The following JPH1 variants were observed in gnomAD, a reference collection of about 807,000 sequenced individuals.
JPH1 encodes the protein junctophilin 1, also known as junctophilin-1.
In JPH1, 12 loss-of-function variants were observed where a neutral mutation model predicts 53.6. The observed-to-expected ratio is 0.22, with a 90% CI of 0.14 to 0.36. The LOEUF is 0.36. JPH1 is among the 10% of genes least tolerant of loss of function. The pLI, the probability that JPH1 is intolerant of heterozygous loss-of-function variation, is 1.00. For missense variants in JPH1, 808 were observed against 905.5 expected, an observed-to-expected ratio of 0.89 and a Z score of 1.38; for synonymous variants, 375 against 363.8, an observed-to-expected ratio of 1.03 and a Z score of -0.35.
At position 74,319,949 on chromosome 8, in the gene JPH1, CTGTCCTGGTATA is replaced by C. The variant is rs1293729598; in HGVS notation, c.379+948_379+959del. ...ACTTTTCCTAATAAAAGAGGAACTT[CTGTCCTGGTATA>C]TACACAATCTCTTTGGCAAATATTG... On this transcript the variant is annotated intron_variant, in intron 1 of 5. Transcript: ENST00000342232. Among the ~76,000 whole-genome samples, 10 of 152,324 alleles carry C rather than the reference CTGTCCTGGTATA, an allele frequency of 6.6e-5. No individual in the cohort carries two copies. The South Asian group carries it at 1.9e-3, about 28-fold the overall frequency.
intron 2 of JPH1, among the ~76,000 whole-genome samples, chr8:74,279,010 T>C (rs1421248055): frequency 6.6e-6 from 1 of 151,472 alleles, no homozygotes; most frequent in Non-Finnish European, 1.5e-5. Context: ...CACACACGCA[T>C]ACACACACAC....
At chr8:74,295,623 T>A (rs750791846) in intron 2 of JPH1, among the ~76,000 whole-genome samples, 4 of 152,138 alleles carry the variant, frequency 2.6e-5, no homozygotes, top group Admixed American at 2.6e-4. Flanking sequence ...ACAGATCTCA[T>A]AGACAACACT....
intron 2 of JPH1, among the ~76,000 whole-genome samples, chr8:74,269,352 T>C (rs1157453286): frequency 6.6e-6 from 1 of 150,424 alleles, no homozygotes; most frequent in Non-Finnish European, 1.5e-5. Flanking sequence ...GTTAAAACAT[T>C]AGGGGTATAG....
intron 2 of JPH1, among the ~76,000 whole-genome samples, chr8:74,269,524 T>C (rs55672975): frequency 6.6e-6 from 1 of 152,374 alleles, no homozygotes; most frequent in Non-Finnish European, 1.5e-5. Flanking sequence ...CTTCAGTTTC[T>C]TGCTGCAACA....
At chr8:74,247,644 G>A (rs1015742089) in intron 3 of JPH1, among the ~76,000 whole-genome samples, 2 of 152,016 alleles carry the variant, frequency 1.3e-5, no homozygotes, top group East Asian at 3.9e-4. Context: ...GAGTCACTGC[G>A]CCCTGAGAAA....
chr8:74,273,229 TATG>T (rs1806756013), intron 2 of JPH1, among the ~76,000 whole-genome samples: 1 of 152,226 alleles, frequency 6.6e-6, no homozygotes, highest in African/African-American at 2.4e-5. Flanking sequence ...ATGGGTTTAA[TATG>T]ATGGTGAATT....
chr8:74,237,013 C>T lies in JPH1; in HGVS notation c.*38G>A, dbSNP rs1452292704. 13 of 518,690 alleles carry T rather than the reference C, an allele frequency of 2.5e-5. 1 individual carries two copies. In the East Asian group the frequency reaches 3.3e-4, roughly 13 times the overall value. 32.1% of individuals were successfully genotyped at this position (518,690 alleles called of 1,614,324 possible). On this transcript the variant is annotated 3_prime_UTR_variant, in exon 6 of 6. Transcript: ENST00000342232. ...CACTGCAGAGAACTGTGGGCTAACA[C>T]ACCACTAGTTGTCAGGACTTCACTG...
chr8:74,315,653 G>A lies in JPH1; in HGVS notation c.380-33C>T, dbSNP rs781025211. On this transcript the variant is annotated intron_variant, in intron 1 of 5. Coordinates refer to ENST00000342232, the MANE Select transcript of JPH1 (RefSeq NM_020647.4). The surrounding 1 kb of genome is among the most constrained non-coding windows in gnomAD (Gnocchi z 6.3). ...AGACCGCAAGAAAGCACCGTGAGTC[G>A]GGGGCAGAGCTGCACCGTCACCTGC... 2.6e-6 allele frequency: 4 copies of A among 1,557,676 alleles called. No homozygotes were observed. Among genetic ancestry groups the A allele is most frequent in the African/African-American group, 1.4e-5 (1 of 73,716 alleles).
At position 74,315,408 on chromosome 8, in the gene JPH1, G is replaced by C; in HGVS notation, c.592C>G (p.His198Asp). The stretch of plus-strand genomic sequence containing the variant: ...TTGCCCGCTAGCTCAGCGTCTGCGT[G>C]GAAGTTGAGCACGAAACCGCCGCGG... ...GTRGGFVLNF[H>D]ADAELAGKKK... The change falls in exon 2 of 6, where the codon CAC (histidine) becomes GAC (aspartate). Residue 198 changes from histidine (H) to aspartate (D), a missense_variant. Physicochemically the swap from His to Asp is moderately conservative, Grantham distance 81. Transcript: ENST00000342232. This position sits in a 1 kb window ranked among gnomAD's most constrained non-coding sequence, Gnocchi z 6.3. 6.2e-7 allele frequency: 1 copy of C among 1,612,472 alleles called. No individual in the cohort carries two copies. Among genetic ancestry groups the C allele is most frequent in the South Asian group, 1.1e-5 (1 of 91,072 alleles).
chr8:74,315,524 A>G lies in JPH1; in HGVS notation c.476T>C (p.Leu159Pro). The G allele has an allele frequency of 6.2e-7, 1 of 1,605,420 alleles. No homozygotes were observed. Among genetic ancestry groups the G allele is most frequent in the Non-Finnish European group, 8.5e-7 (1 of 1,177,308 alleles). The change falls in exon 2 of 6, where the codon CTG (leucine) becomes CCG (proline). Residue 159 changes from leucine (L) to proline (P), a missense_variant. Transcript: ENST00000342232. This position sits in a 1 kb window ranked among gnomAD's most constrained non-coding sequence, Gnocchi z 6.3. ...GCGCAGCGAGGCCAGCGAGGTACGC[A>G]GCGGTGAGCGGATCACCGTGGCCAT... ...YGMATVIRSP[L>P]RTSLASLRSE...
At chr8:74,277,850 A>G (rs1281248062) in intron 2 of JPH1, among the ~76,000 whole-genome samples, 1 of 152,216 alleles carries the variant, frequency 6.6e-6, no homozygotes, top group Non-Finnish European at 1.5e-5. Flanking sequence ...CTAAATAAGT[A>G]ATATATTCAC....
chr8:74,311,157 G>A (rs2131460061), intron 2 of JPH1, among the ~76,000 whole-genome samples: 1 of 152,304 alleles, frequency 6.6e-6, no homozygotes, highest in South Asian at 2.1e-4. Context: ...TACACTACCT[G>A]GGTGGACAAA....
chr8:74,242,467 C>T lies in JPH1; in HGVS notation c.1905+2062G>A, dbSNP rs1015262074. 3.7e-4 allele frequency among the ~76,000 whole-genome samples: 57 copies of T among 152,126 alleles called. 1 individual carries two copies. Among genetic ancestry groups the T allele is most frequent in the East Asian group, 1.9e-4 (1 of 5,196 alleles). On this transcript the variant is annotated intron_variant, in intron 4 of 5. Coordinates refer to ENST00000342232, the MANE Select transcript of JPH1 (RefSeq NM_020647.4). ...TAAGCAACAGAGCTGGGATGTGAAC[C>T]GAGGAAGTTCAGCAACAGAGTTCAA...
At chr8:74,255,629 T>G (rs1586738711) in intron 3 of JPH1, among the ~76,000 whole-genome samples, 1 of 151,726 alleles carries the variant, frequency 6.6e-6, no homozygotes, top group Non-Finnish European at 1.5e-5. Context: ...TGGGAGAAAA[T>G]TTTTGCAACC....
chr8:74,278,185 T>C (rs918374757), intron 2 of JPH1, among the ~76,000 whole-genome samples: 2 of 152,202 alleles, frequency 1.3e-5, no homozygotes, highest in South Asian at 2.1e-4. Context: ...GTTCTCGTGA[T>C]AGTGAGTAAG....
At chr8:74,238,863 G>A (rs1805616097) in intron 4 of JPH1, among the ~76,000 whole-genome samples, 2 of 152,166 alleles carry the variant, frequency 1.3e-5, no homozygotes, top group Non-Finnish European at 2.9e-5. Flanking sequence ...TCACTATGTT[G>A]CCCAGGCTGG....
rs888373085 is a variant in JPH1, at chr8:74,235,041, A to G, written c.*2010T>C. The G allele has an allele frequency of 6.6e-6, 1 of 152,626 alleles. No individual in the cohort carries two copies. Among genetic ancestry groups the G allele is most frequent in the African/African-American group, 2.4e-5 (1 of 41,456 alleles). The allele number at this position is 152,626 out of a possible 1,614,324, so 9.5% of individuals were successfully genotyped here. A position where few individuals can be genotyped will look rare whatever the true frequency, so the allele number is the denominator to read the frequency against. On this transcript the variant is annotated 3_prime_UTR_variant, in exon 6 of 6. Transcript: ENST00000342232. The stretch of plus-strand genomic sequence containing the variant: ...TAAATGGGACCAACATGCTCACTTT[A>G]TAAACATATCCTCTCGCTATCTGTT...
rs373541776 is a variant in JPH1, at chr8:74,321,481, T to TTCC, written c.-197_-195dup. ...CTCTTTTGCCGCCGCCACCGCCGCC[T>TTCC]TCCTCCTCCTCCTCCTCCTCCTTCG... is the stretch of plus-strand genomic sequence containing the variant. On this transcript the variant is annotated 5_prime_UTR_variant, in exon 1 of 6. Transcript: ENST00000342232. The surrounding 1 kb of genome is among the most constrained non-coding windows in gnomAD (Gnocchi z 4.3). 86 of 499,610 alleles carry TTCC rather than the reference T, an allele frequency of 1.7e-4. No individual in the cohort carries two copies. The highest frequency in any genetic ancestry group is 4.0e-4 in the Admixed American group (9 of 22,688). 30.9% of individuals were successfully genotyped at this position (499,610 alleles called of 1,614,324 possible). A position where few individuals can be genotyped will look rare whatever the true frequency, so the allele number is the denominator to read the frequency against.
chr8:74,274,572 G>A (rs1052324761), intron 2 of JPH1, among the ~76,000 whole-genome samples: 27 of 152,138 alleles, frequency 1.8e-4, no homozygotes, highest in Admixed American at 1.7e-3. Flanking sequence ...GTTTAGACAC[G>A]TCTGTGCTAG....
Sources: gnomAD v4.1 joint callset for allele counts (sites outside exome capture counted in the v4.1 genomes callset) on GRCh38, gnomAD v4.1.1 for gene constraint, Gnocchi (gnomAD v3.1) non-coding constraint, MANE v1.5 for transcripts, NCBI Gene and HGNC (gene_info 2026-07-23, HGNC 2026-07-21) for gene names.